ARHGEF3: variants seen among roughly 807,000 people sequenced by gnomAD.
ARHGEF3 encodes the protein 59.8 kDA protein.
Under a neutral mutation model 63.2 loss-of-function variants are expected in ARHGEF3, and 28 were observed. The observed-to-expected ratio is 0.44, with a 90% CI of 0.33 to 0.61. The LOEUF (loss-of-function observed/expected upper bound fraction) is 0.61, where lower values mean the gene tolerates loss of function less well. ARHGEF3 is among the 20% of genes least tolerant of loss of function. The pLI is 0.03. For synonymous variants in ARHGEF3, 266 were observed against 254.2 expected, an observed-to-expected ratio of 1.05 and a Z score of -0.44; for missense variants, 533 against 659.3, an observed-to-expected ratio of 0.81 and a Z score of 2.10.
chr3:56,906,303 T>C (rs2041681005), intron 3 of ARHGEF3, among the ~76,000 whole-genome samples: 1 of 152,204 alleles, frequency 6.6e-6, no homozygotes, highest in Non-Finnish European at 1.5e-5. Context: ...GGCCTCCATA[T>C]GAGACGGAGC....
At chr3:57,051,657 T>C (rs1704674462) in intron 1 of ARHGEF3, among the ~76,000 whole-genome samples, 1 of 152,196 alleles carries the variant, frequency 6.6e-6, no homozygotes, top group Non-Finnish European at 1.5e-5. Context: ...CAGGCACTGA[T>C]GCACTTCATT....
In ARHGEF3 at chr3:56,801,737, A is replaced by T. The variant is rs916528899; in HGVS notation, c.62T>A (p.Leu21Gln). The change falls in exon 1 of 10, where the codon CTA becomes CAA. Residue 21 changes from leucine (L) to glutamine (Q), a missense_variant. This residue lies in a region of ARHGEF3 where 160 missense variants were observed against 157.3 expected (regional missense o/e 1.02). Coordinates refer to ENST00000296315, the MANE Select transcript of ARHGEF3 (RefSeq NM_019555.3). The stretch of plus-strand genomic sequence containing the variant: ...CTTGGCCGGACCGCTGGCCGGGGGT[A>T]GCTCCAGGCTGCAGTTCGCTCTCTT... Reference protein sequence around the residue: ...TVKRANCSLELPPASGPAKDA... With the variant: ...TVKRANCSLEQPPASGPAKDA... 1.3e-6 allele frequency: 2 copies of T among 1,568,372 alleles called. No homozygotes were observed. Among genetic ancestry groups the T allele is most frequent in the Non-Finnish European group, 1.7e-6 (2 of 1,155,336 alleles).
intron 2 of ARHGEF3, among the ~76,000 whole-genome samples, chr3:57,034,066 A>G (rs1233769689): frequency 6.6e-6 from 1 of 152,030 alleles, no homozygotes; most frequent in Non-Finnish European, 1.5e-5. Context: ...AAATAAATAA[A>G]TTAAATTAAA....
chr3:56,873,066 T>G (rs2040480257), intron 4 of ARHGEF3, among the ~76,000 whole-genome samples: 1 of 152,130 alleles, frequency 6.6e-6, no homozygotes, highest in South Asian at 2.1e-4. Flanking sequence ...TGGCATGATC[T>G]CAGCTCACTG....
At chr3:57,042,651 AATAT>A (rs71076013) in intron 1 of ARHGEF3, among the ~76,000 whole-genome samples, 171 of 49,130 alleles carry the variant, frequency 3.5e-3, no homozygotes, top group African/African-American at 5.8e-3. Context: ...TATGTACATA[AATAT>A]ATATATATAT....
upstream of ARHGEF3, among the ~76,000 whole-genome samples, chr3:56,805,392 G>A (rs1244819422): frequency 1.3e-5 from 2 of 151,994 alleles, no homozygotes; most frequent in African/African-American, 2.4e-5. Flanking sequence ...ACGTCACCAC[G>A]CCCAGCTAAT....
At chr3:57,033,970 A>C (rs1412904894) in intron 2 of ARHGEF3, among the ~76,000 whole-genome samples, 1 of 152,032 alleles carries the variant, frequency 6.6e-6, no homozygotes, top group African/African-American at 2.4e-5. Flanking sequence ...GTTTGAACCC[A>C]GGAGGTGGAG....
intron 2 of ARHGEF3, among the ~76,000 whole-genome samples, chr3:57,002,500 A>ATATATATATATGTTATATATATATATGT (rs1228793339): frequency 5.0e-5 from 3 of 60,112 alleles, no homozygotes; most frequent in African/African-American, 1.9e-4. Flanking sequence ...TATATATGTT[A>ATATATATATATGTTATATATATATATGT]TATATATATA....
chr3:56,987,016 T>C (rs925645669), intron 2 of ARHGEF3, among the ~76,000 whole-genome samples: 3 of 152,024 alleles, frequency 2.0e-5, no homozygotes. Flanking sequence ...GTTCGAGACC[T>C]GCCTGGGTAA....
In ARHGEF3 at chr3:57,028,829, G is replaced by GCCCCAAAT. The variant is rs761242772; in HGVS notation, c.62+6251_62+6258dup. ...GTATATAAAAAGCCCCTCAGGAGGTGCCCCAAATAAGCAGGCATTATAATT... is the reference window on the plus strand; with the variant it reads ...GTATATAAAAAGCCCCTCAGGAGGTGCCCCAAATCCCCAAATAAGCAGGCATTATAATT... On this transcript the variant is annotated intron_variant, in intron 2 of 12. Transcript: ENST00000338458. Among the ~76,000 whole-genome samples, 241 of 152,176 alleles carry GCCCCAAAT rather than the reference G, an allele frequency of 1.6e-3. 1 individual carries two copies. The highest frequency in any genetic ancestry group is 2.4e-3 in the Non-Finnish European group (161 of 68,012).
chr3:56,967,280 ATAT>A (rs1214527709), intron 2 of ARHGEF3, among the ~76,000 whole-genome samples: 1 of 121,818 alleles, frequency 8.2e-6, no homozygotes, highest in East Asian at 2.1e-4. Context: ...TAATAATATT[ATAT>A]TATATATTAT....
At chr3:56,816,570 G>T (rs574126024) in intron 4 of ARHGEF3, among the ~76,000 whole-genome samples, 2 of 152,320 alleles carry the variant, frequency 1.3e-5, no homozygotes, top group Non-Finnish European at 2.9e-5. Context: ...AGTGATGAGA[G>T]CTCAGTAAAT....
At chr3:56,959,557 T>C (rs1700189685) in intron 2 of ARHGEF3, among the ~76,000 whole-genome samples, 1 of 152,204 alleles carries the variant, frequency 6.6e-6, no homozygotes, top group South Asian at 2.1e-4. Context: ...TCAATATTTT[T>C]ATGGATAAAT....
intron 3 of ARHGEF3, among the ~76,000 whole-genome samples, chr3:56,958,007 C>T (rs1225661959): frequency 1.3e-5 from 2 of 152,144 alleles, no homozygotes; most frequent in Non-Finnish European, 2.9e-5. Context: ...ACCTCTATAT[C>T]TCCCAAGCAA....
intron 3 of ARHGEF3, among the ~76,000 whole-genome samples, chr3:56,892,015 C>T (rs915454559): frequency 2.6e-5 from 4 of 152,114 alleles, no homozygotes; most frequent in African/African-American, 7.2e-5. Context: ...TCTTCTCCCA[C>T]GGGAGGGAAG....
chr3:56,870,740 C>T (rs1258917726), intron 4 of ARHGEF3, among the ~76,000 whole-genome samples: 1 of 151,968 alleles, frequency 6.6e-6, no homozygotes, highest in African/African-American at 2.4e-5. Context: ...TATGGGAATG[C>T]TCTGTACTTT....
chr3:56,733,722 G>A (rs1190463643), intron 8 of ARHGEF3, among the ~76,000 whole-genome samples: 1 of 151,776 alleles, frequency 6.6e-6, no homozygotes, highest in Non-Finnish European at 1.5e-5. Flanking sequence ...AGTGGCTCAC[G>A]CCTGGAATCC....
intron 2 of ARHGEF3, among the ~76,000 whole-genome samples, chr3:56,966,864 T>C (rs1434088793): frequency 6.6e-6 from 1 of 150,472 alleles, no homozygotes; most frequent in Admixed American, 6.6e-5. Flanking sequence ...TTATTATTAT[T>C]ATTATTATTT....
chr3:56,764,543 C>T (rs1308244045), intron 2 of ARHGEF3, among the ~76,000 whole-genome samples: 1 of 152,122 alleles, frequency 6.6e-6, no homozygotes, highest in Non-Finnish European at 1.5e-5. Context: ...AGCTCTGGCA[C>T]TTACCAGCTG....
Sources: allele counts gnomAD v4.1 joint callset (sites outside exome capture counted in the v4.1 genomes callset), GRCh38; gene constraint gnomAD v4.1.1; regional missense constraint gnomAD v4.1.1; transcripts MANE v1.5; gene names NCBI Gene and HGNC (gene_info 2026-07-23, HGNC 2026-07-21).